Variants in METTL25 observed in about 807,000 individuals in gnomAD.
The protein encoded by METTL25 is methyltransferase like 25.
In METTL25, 64 loss-of-function variants were observed where a neutral mutation model predicts 71.6. The observed-to-expected ratio is 0.89, with a 90% confidence interval of 0.73 to 1.10. The LOEUF is 1.10. METTL25 is among the 50% of genes least tolerant of loss of function. The probability of loss-of-function intolerance (pLI) is 0.00; values close to 1 mark genes in which losing one functional copy is unlikely to be tolerated. For synonymous variants in METTL25, 287 were observed against 250.3 expected (o/e 1.15, Z -1.38); for missense variants, 807 against 707.0 (o/e 1.14, Z -1.60).
chr12:82,478,937 T>G lies in METTL25; in HGVS notation c.1725T>G (p.Asp575Glu). 1 of 1,610,606 alleles carries G rather than the reference T, an allele frequency of 6.2e-7. No homozygotes were observed. Among genetic ancestry groups the G allele is most frequent in the South Asian group, 1.1e-5 (1 of 90,708 alleles). Residue 575 changes from aspartate to glutamate, a missense_variant, in exon 12 of 12, where the codon GAT becomes GAG. By Grantham distance (45) the Asp-to-Glu change is conservative. Coordinates refer to ENST00000248306, the MANE Select transcript of METTL25 (RefSeq NM_032230.3). ...AATCACTTATTAATTTACAGGAAGA[T>G]ATTGCATGGTCTGCTCTTGTGAAGT... ...DRLCYLKEQE[D>E]IAWSALVKLF...
intron 5 of METTL25, among the ~76,000 whole-genome samples, chr12:82,420,760 C>G (rs1235464049): frequency 6.6e-6 from 1 of 151,910 alleles, no homozygotes; most frequent in Non-Finnish European, 1.5e-5. Context: ...GTCAATTGTA[C>G]TAAGGATTGG....
chr12:82,376,675 T>C (rs888485360), intron 1 of METTL25, among the ~76,000 whole-genome samples: 1 of 152,252 alleles, frequency 6.6e-6, no homozygotes, highest in Non-Finnish European at 1.5e-5. Flanking sequence ...AACACTTTCA[T>C]TTATAAACCT....
rs1565862713 is a variant in METTL25 at position 82,434,684 on chromosome 12, TTC to T, written c.1375-10_1375-9del. The T allele has an allele frequency of 6.2e-7, 1 of 1,608,860 alleles. No individual in the cohort carries two copies. Among genetic ancestry groups the T allele is most frequent in the Non-Finnish European group, 8.5e-7 (1 of 1,176,364 alleles). Reference sequence around the variant, plus strand: ...TATATCAACAATCTGTCTTGTTTTTTTCCCTTTAAGGCATTGGAGCGGGTTGC... The same window carrying T: ...TATATCAACAATCTGTCTTGTTTTTTCCTTTAAGGCATTGGAGCGGGTTGC... On this transcript the variant is annotated splice_polypyrimidine_tract_variant and intron_variant, in intron 6 of 11. Coordinates refer to ENST00000248306, the MANE Select transcript of METTL25 (RefSeq NM_032230.3).
chr12:82,377,407 G>T (rs1265277275), intron 1 of METTL25, among the ~76,000 whole-genome samples: 1 of 152,126 alleles, frequency 6.6e-6, no homozygotes, highest in Non-Finnish European at 1.5e-5. Flanking sequence ...GGAATATTCT[G>T]ACCTGTATGT....
intron 6 of METTL25, among the ~76,000 whole-genome samples, chr12:82,432,801 T>G (rs1889616992): frequency 6.6e-6 from 1 of 151,124 alleles, no homozygotes; most frequent in Non-Finnish European, 1.5e-5. Context: ...TATCTTATTT[T>G]ATTGCCTTTC....
At chr12:82,468,746 G>T (rs1005425406) in intron 9 of METTL25, 3 of 152,384 alleles carry the variant, frequency 2.0e-5, no homozygotes, top group Non-Finnish European at 4.4e-5. Flanking sequence ...AAATGCAACC[G>T]AAACTGACAG....
chr12:82,386,378 A>T (rs563770664), intron 1 of METTL25, among the ~76,000 whole-genome samples: 2 of 152,106 alleles, frequency 1.3e-5, no homozygotes, highest in South Asian at 4.2e-4. Flanking sequence ...CAGTTCGTAA[A>T]TTTAATAAAT....
Position 82,358,806 on chromosome 12 carries a change from G to A in METTL25, c.241G>A (p.Glu81Lys). The change falls in exon 1 of 12, where the codon GAA becomes AAA. Residue 81 changes from glutamate (E) to lysine (K), a missense_variant. Coordinates refer to ENST00000248306, the MANE Select transcript of METTL25 (RefSeq NM_032230.3). ...ALPSETRPLVEAEWEAGMTDF... is the reference protein window; with the variant it reads ...ALPSETRPLVKAEWEAGMTDF... ...GCCCTCAGAGACGCGCCCCCTAGTGGAAGCAGAGTGGGAAGCAGGTGGGTG... is the reference window on the plus strand; with the variant it reads ...GCCCTCAGAGACGCGCCCCCTAGTGAAAGCAGAGTGGGAAGCAGGTGGGTG... 6.2e-7 allele frequency: 1 copy of A among 1,610,784 alleles called. No individual in the cohort carries two copies. Among genetic ancestry groups the A allele is most frequent in the Non-Finnish European group, 8.5e-7 (1 of 1,178,242 alleles).
rs757420742 is a variant in METTL25, at chr12:82,386,803, G to A, written c.260G>A (p.Gly87Asp). 10 of 1,611,340 alleles carry A rather than the reference G, an allele frequency of 6.2e-6. No homozygotes were observed. The highest frequency in any genetic ancestry group is 8.5e-6 in the Non-Finnish European group (10 of 1,178,578). ...ACTTTTTCTGTCTTCACTTTTTTAG[G>A]TATGACTGATTTTCCCAAAATATTT... Reference protein sequence around the residue: ...RPLVEAEWEAGMTDFPKIFCE... With the variant: ...RPLVEAEWEADMTDFPKIFCE... Residue 87 changes from glycine (G) to aspartate (D), a missense_variant and splice_region_variant, in exon 2 of 12, where the codon GGT becomes GAT. Transcript: ENST00000248306.
At chr12:82,457,351 C>T (rs759617903) in intron 9 of METTL25, among the ~76,000 whole-genome samples, 2 of 150,236 alleles carry the variant, frequency 1.3e-5, no homozygotes, top group African/African-American at 4.9e-5. Context: ...CAGCTTTCAA[C>T]ATTCAGACGA....
At chr12:82,363,862 A>T (rs1273215663) in intron 1 of METTL25, among the ~76,000 whole-genome samples, 1 of 152,162 alleles carries the variant, frequency 6.6e-6, no homozygotes, top group Non-Finnish European at 1.5e-5. Flanking sequence ...AAAAAAGAGT[A>T]AGTCAATAAG....
At chr12:82,414,906 C>T (rs1442413116) in intron 5 of METTL25, among the ~76,000 whole-genome samples, 1 of 152,112 alleles carries the variant, frequency 6.6e-6, no homozygotes, top group Non-Finnish European at 1.5e-5. Context: ...CCATCTGACA[C>T]AATGTGTGAA....
chr12:82,447,004 A>T (rs564612341), intron 8 of METTL25, among the ~76,000 whole-genome samples: 61 of 152,314 alleles, frequency 4.0e-4, no homozygotes, highest in Non-Finnish European at 7.5e-4. Context: ...CAAAGTATAT[A>T]GCAATAAACA....
chr12:82,478,880 A>G, intron 11 of METTL25, 52 bp from the exon 12 acceptor site: 1 of 1,443,978 alleles, frequency 6.9e-7, no homozygotes, highest in Non-Finnish European at 9.7e-7. Flanking sequence ...CTCGCGTCTA[A>G]TTTTTTTCTT....
chr12:82,363,748 A>C (rs1423989011), intron 1 of METTL25, among the ~76,000 whole-genome samples: 1 of 145,686 alleles, frequency 6.9e-6, no homozygotes. Context: ...AAAAAAAAGG[A>C]AAGTGTGACT....
At chr12:82,365,903 A>G (rs1435963447) in intron 1 of METTL25, among the ~76,000 whole-genome samples, 1 of 152,170 alleles carries the variant, frequency 6.6e-6, no homozygotes, top group Non-Finnish European at 1.5e-5. Context: ...TAACACAGTG[A>G]AACCCCGTCT....
intron 5 of METTL25, among the ~76,000 whole-genome samples, chr12:82,420,865 C>T (rs9804714): frequency 9.9e-5 from 15 of 151,328 alleles, no homozygotes; most frequent in Non-Finnish European, 8.8e-5. Flanking sequence ...TTTTTTTTTT[C>T]TCTTTTTGGA....
intron 1 of METTL25, among the ~76,000 whole-genome samples, chr12:82,378,792 C>A (rs1299463471): frequency 6.6e-6 from 1 of 152,100 alleles, no homozygotes; most frequent in Admixed American, 6.6e-5. Flanking sequence ...TTGGGAAGGG[C>A]TGAGGTGGGG....
chr12:82,388,272 G>T (rs1885237999), intron 2 of METTL25, among the ~76,000 whole-genome samples: 1 of 151,898 alleles, frequency 6.6e-6, no homozygotes, highest in Non-Finnish European at 1.5e-5. Context: ...ATTGTAAAAG[G>T]ACCCTTTTAT....
Sources: gnomAD v4.1 joint callset for allele counts (sites outside exome capture counted in the v4.1 genomes callset) on GRCh38, gnomAD v4.1.1 for gene constraint, MANE v1.5 for transcripts, NCBI Gene and HGNC (gene_info 2026-07-23, HGNC 2026-07-21) for gene names.